RPS6KC1: variants seen among roughly 807,000 people sequenced by gnomAD.
RPS6KC1 encodes ribosomal protein S6 kinase C1, also known as inactive ribosomal protein S6 kinase delta-1.
Under a neutral mutation model 103.8 loss-of-function variants are expected in RPS6KC1, and 54 were observed. That is an observed-to-expected ratio of 0.52 (90% CI 0.42 to 0.65). The LOEUF is 0.65. Among genes scored for constraint, RPS6KC1 ranks in the 30% least tolerant of loss-of-function variants. RPS6KC1 has a pLI of 0.00. For synonymous variants in RPS6KC1, 439 were observed against 438.7 expected, an observed-to-expected ratio of 1.00 and a Z score of -0.01; for missense variants, 1,151 against 1,253.8, an observed-to-expected ratio of 0.92 and a Z score of 1.24.
the RPS6KC1 span, among the ~76,000 whole-genome samples, chr1:213,460,405 CTTTTT>C: frequency 9.0e-6 from 1 of 111,160 alleles, no homozygotes; most frequent in Admixed American, 9.1e-5. Flanking sequence ...GCAACCCCTG[CTTTTT>C]TTTTTTTTTT....
the RPS6KC1 span, among the ~76,000 whole-genome samples, chr1:213,534,408 T>G: frequency 6.6e-6 from 1 of 152,242 alleles, no homozygotes; most frequent in Non-Finnish European, 1.5e-5. Flanking sequence ...AACACCCGCT[T>G]GGTGTTCATC....
At chr1:213,061,841 TTTGA>T (rs1160049588) in intron 1 of RPS6KC1, among the ~76,000 whole-genome samples, 1 of 152,172 alleles carries the variant, frequency 6.6e-6, no homozygotes, top group Admixed American at 6.5e-5. Context: ...GTTTTCCATG[TTTGA>T]TTATTTGTAC....
At chr1:213,665,055 G>GA in the RPS6KC1 span, among the ~76,000 whole-genome samples, 1 of 152,012 alleles carries the variant, frequency 6.6e-6, no homozygotes, top group Non-Finnish European at 1.5e-5. Flanking sequence ...ACATACTTTA[G>GA]AGATTATCTT....
the RPS6KC1 span, among the ~76,000 whole-genome samples, chr1:213,702,337 A>G: frequency 2.0e-5 from 3 of 152,028 alleles, no homozygotes; most frequent in African/African-American, 2.4e-5. Context: ...GAACTAACAT[A>G]TGGTCTATCC....
the RPS6KC1 span, among the ~76,000 whole-genome samples, chr1:213,620,727 G>T: frequency 6.6e-6 from 1 of 152,138 alleles, no homozygotes; most frequent in African/African-American, 2.4e-5. Flanking sequence ...TAAAGAAATG[G>T]AGACACAGTA....
chr1:213,824,692 G>A, the RPS6KC1 span, among the ~76,000 whole-genome samples: 49,794 of 151,962 alleles, frequency 0.33, 12,177 homozygotes, highest in African/African-American at 0.68. Flanking sequence ...GTTTCCCTGC[G>A]CAAGCTCTCT....
At chr1:213,178,858 G>A (rs1397225514) in intron 8 of RPS6KC1, among the ~76,000 whole-genome samples, 3 of 151,886 alleles carry the variant, frequency 2.0e-5, no homozygotes, top group African/African-American at 7.3e-5. Flanking sequence ...GGGATTTATA[G>A]GCACACACCA....
At chr1:213,787,860 G>A in the RPS6KC1 span, among the ~76,000 whole-genome samples, 2,381 of 152,278 alleles carry the variant, frequency 0.016, 25 homozygotes, top group South Asian at 0.042. Context: ...GAGCAGGAAT[G>A]TCACACCAAG....
chr1:213,066,537 G>A (rs1236428997), intron 1 of RPS6KC1, among the ~76,000 whole-genome samples: 4 of 152,200 alleles, frequency 2.6e-5, no homozygotes, highest in Non-Finnish European at 5.9e-5. Flanking sequence ...TAATAATCAT[G>A]AGTTACTGTT....
At chr1:213,360,458 C>T in the RPS6KC1 span, among the ~76,000 whole-genome samples, 2 of 152,156 alleles carry the variant, frequency 1.3e-5, no homozygotes, top group Non-Finnish European at 1.5e-5. Context: ...AGCCATTAGT[C>T]TAATCTTTTT....
At chr1:213,826,603 A>C in the RPS6KC1 span, among the ~76,000 whole-genome samples, 3 of 152,212 alleles carry the variant, frequency 2.0e-5, no homozygotes, top group Non-Finnish European at 4.4e-5. Context: ...TTAAGATGGC[A>C]AAAGCAGGGC....
At chr1:213,593,562 A>T in the RPS6KC1 span, among the ~76,000 whole-genome samples, 2 of 152,358 alleles carry the variant, frequency 1.3e-5, 1 homozygote, top group African/African-American at 4.8e-5. Flanking sequence ...GGAGGCAATG[A>T]TAGGTCCTAA....
At chr1:213,363,625 GCTTTCTTTCTTTCTTTCTTTCTTTCTTT>G in the RPS6KC1 span, among the ~76,000 whole-genome samples, 32 of 73,778 alleles carry the variant, frequency 4.3e-4, 1 homozygote, top group East Asian at 3.6e-3. Flanking sequence ...TTGCTTGCTT[GCTTTCTTTCTTTCTTTCTTTCTTTCTTT>G]CTTTCTTTCT....
At chr1:213,289,664 G>A in the RPS6KC1 span, among the ~76,000 whole-genome samples, 1 of 152,188 alleles carries the variant, frequency 6.6e-6, no homozygotes, top group African/African-American at 2.4e-5. Flanking sequence ...TGGCAGACTT[G>A]ACCAAGGAGG....
At chr1:213,597,057 G>GA in the RPS6KC1 span, among the ~76,000 whole-genome samples, 2 of 152,170 alleles carry the variant, frequency 1.3e-5, no homozygotes, top group Admixed American at 1.3e-4. Flanking sequence ...GTGCGCCAAG[G>GA]AGGATGGCAT....
chr1:213,778,911 C>G, the RPS6KC1 span, among the ~76,000 whole-genome samples: 1 of 152,098 alleles, frequency 6.6e-6, no homozygotes, highest in South Asian at 2.1e-4. Flanking sequence ...CGTAGAAGCT[C>G]TGACACTTTG....
At chr1:213,130,040 A>AGGT in intron 6 of RPS6KC1, 151 bp downstream of exon 6, 2 of 689,682 alleles carry the variant, frequency 2.9e-6, no homozygotes, top group Non-Finnish European at 4.5e-6. Context: ...ATGGATATAT[A>AGGT]CTTTAAGTTC....
the RPS6KC1 span, among the ~76,000 whole-genome samples, chr1:213,830,656 C>G: frequency 6.7e-6 from 1 of 149,368 alleles, no homozygotes; most frequent in Non-Finnish European, 1.5e-5. Context: ...ATAGAAAGGT[C>G]CAATGTCACA....
chr1:213,310,074 C>T, the RPS6KC1 span, among the ~76,000 whole-genome samples: 3 of 152,178 alleles, frequency 2.0e-5, no homozygotes, highest in African/African-American at 7.2e-5. Context: ...ACTCCTTCTC[C>T]TTTCCTTGAC....
Sources: allele counts gnomAD v4.1 joint callset (sites outside exome capture counted in the v4.1 genomes callset), GRCh38; gene constraint gnomAD v4.1.1; transcripts MANE v1.5; gene names NCBI Gene and HGNC (gene_info 2026-07-23, HGNC 2026-07-21).